HDAC9: variants seen among roughly 807,000 people sequenced by gnomAD.
HDAC9 encodes MEF-2 interacting transcription repressor (MITR) protein.
HDAC9 carries 41 observed loss-of-function variants against 139.4 expected under a neutral mutation model. That is an observed-to-expected ratio of 0.29 (90% CI 0.23 to 0.38). HDAC9 has a LOEUF of 0.38. HDAC9 is among the 10% of genes least tolerant of loss of function. HDAC9 has a pLI of 1.00. For synonymous variants in HDAC9, 517 were observed against 476.2 expected (o/e 1.09, Z -1.12); for missense variants, 1,147 against 1,297.0 (o/e 0.88, Z 1.78).
chr7:18,239,316 A>G (rs1794035319), intron 2 of HDAC9, among the ~76,000 whole-genome samples: 1 of 152,202 alleles, frequency 6.6e-6, no homozygotes. Context: ...AACTCTCACA[A>G]AGGATGAATA....
intron 12 of HDAC9, among the ~76,000 whole-genome samples, chr7:18,724,240 C>T (rs1785357248): frequency 6.6e-6 from 1 of 152,064 alleles, no homozygotes; most frequent in Non-Finnish European, 1.5e-5. Context: ...TTTATAATTA[C>T]ATTGTTGTAC....
chr7:18,955,381 G>T (rs1399980697), intron 24 of HDAC9, among the ~76,000 whole-genome samples: 1 of 151,994 alleles, frequency 6.6e-6, no homozygotes, highest in African/African-American at 2.4e-5. Flanking sequence ...AGTGATCTTT[G>T]ACAGCATTCT....
intron 17 of HDAC9, among the ~76,000 whole-genome samples, chr7:18,799,165 G>A (rs1793081241): frequency 6.6e-6 from 1 of 151,754 alleles, no homozygotes; most frequent in African/African-American, 2.4e-5. Context: ...TCCAATCATT[G>A]ACTGACCACT....
At chr7:18,724,366 T>G (rs1785368325) in intron 12 of HDAC9, among the ~76,000 whole-genome samples, 1 of 152,192 alleles carries the variant, frequency 6.6e-6, no homozygotes, top group African/African-American at 2.4e-5. Context: ...GTTACTATAC[T>G]GAATACTGTA....
chr7:18,494,745 C>T (rs1796653196), upstream of HDAC9, among the ~76,000 whole-genome samples: 1 of 152,070 alleles, frequency 6.6e-6, no homozygotes, highest in Non-Finnish European at 1.5e-5. Context: ...GTCCATATTT[C>T]GGGCAACCAA....
Position 18,835,457 on chromosome 7 carries a change from T to C in HDAC9, c.2467-10T>C. On this transcript the variant is annotated splice_polypyrimidine_tract_variant and intron_variant, in intron 19 of 25. Coordinates refer to ENST00000686413, the MANE Select transcript of HDAC9 (RefSeq NM_178425.4). The stretch of plus-strand genomic sequence containing the variant: ...GACTGTATTTGTCGTCTGTTTTCAT[T>C]TCCCTGTAGGATGTTCACCATGGAA... The C allele has an allele frequency of 6.2e-7, 1 of 1,607,054 alleles. No homozygotes were observed. Among genetic ancestry groups the C allele is most frequent in the Non-Finnish European group, 8.5e-7 (1 of 1,175,758 alleles).
chr7:18,978,719 A>G (rs1300879921), intron 25 of HDAC9, among the ~76,000 whole-genome samples: 2 of 152,204 alleles, frequency 1.3e-5, no homozygotes, highest in African/African-American at 4.8e-5. Context: ...AGGAATGTGT[A>G]CCTTTAAACA....
intron 22 of HDAC9, among the ~76,000 whole-genome samples, chr7:18,904,441 T>C (rs777940673): frequency 1.3e-5 from 2 of 152,142 alleles, no homozygotes; most frequent in Admixed American, 1.3e-4. Flanking sequence ...TATGGAAATA[T>C]GTCACAGGGA....
intron 19 of HDAC9, among the ~76,000 whole-genome samples, chr7:18,834,554 G>A (rs1325549112): frequency 6.8e-6 from 1 of 147,578 alleles, no homozygotes; most frequent in Non-Finnish European, 1.5e-5. Context: ...GAGTGGGAAA[G>A]AGGACTGGTG....
chr7:18,647,785 G>A lies in HDAC9; in HGVS notation c.1036G>A (p.Ala346Thr), dbSNP rs546754813. The change falls in exon 10 of 26, where the codon GCT becomes ACT. Residue 346 changes from alanine (A) to threonine (T), a missense_variant and splice_region_variant. Around this residue, in one of 7 missense-constraint regions of HDAC9, gnomAD observed 264 missense variants for 273.8 expected, o/e 0.96. Transcript: ENST00000686413. Reference sequence around the variant, plus strand: ...ACATCTTTGTTATTTCTCAACACAGGCTTCGAATTCACTCAAAGAAAAGCA... The same window carrying A: ...ACATCTTTGTTATTTCTCAACACAGACTTCGAATTCACTCAAAGAAAAGCA... ...GLPAVPSQLN[A>T]SNSLKEKQKC... The A allele has an allele frequency of 1.4e-5, 22 of 1,604,448 alleles. No homozygotes were observed. The South Asian group carries it at 2.5e-4, about 18-fold the overall frequency.
chr7:18,696,416 T>A (rs1257876151), intron 12 of HDAC9, among the ~76,000 whole-genome samples: 1 of 148,704 alleles, frequency 6.7e-6, no homozygotes, highest in East Asian at 1.9e-4. Context: ...AAAACTTGTA[T>A]GTTATACATT....
intron 1 of HDAC9, among the ~76,000 whole-genome samples, chr7:18,365,036 G>T (rs763583523): frequency 2.0e-5 from 3 of 151,994 alleles, no homozygotes; most frequent in Non-Finnish European, 4.4e-5. Context: ...TAAGAGATGG[G>T]GCAAAGAGTG....
chr7:18,665,075 A>G (rs1433174878), intron 11 of HDAC9, among the ~76,000 whole-genome samples: 2 of 152,200 alleles, frequency 1.3e-5, no homozygotes, highest in East Asian at 3.9e-4. Context: ...TGAGGTGTCC[A>G]TCTAAGTCTG....
chr7:18,614,924 C>A (rs981058655), intron 6 of HDAC9, among the ~76,000 whole-genome samples: 2 of 152,146 alleles, frequency 1.3e-5, no homozygotes, highest in African/African-American at 4.8e-5. Context: ...TTTAAACTTG[C>A]TGTTGATTTT....
intron 1 of HDAC9, among the ~76,000 whole-genome samples, chr7:18,097,965 A>G (rs895730195): frequency 2.0e-5 from 3 of 152,206 alleles, no homozygotes; most frequent in Non-Finnish European, 2.9e-5. Context: ...CTGATAGTCT[A>G]AACACATTTC....
In HDAC9 at chr7:18,230,276, G is replaced by A. The variant is rs147391179; in HGVS notation, c.25+67927G>A. On this transcript the variant is annotated intron_variant, in intron 2 of 12. Transcript: ENST00000417496. Reference sequence around the variant, plus strand: ...ATAGTGCCCAGTGAAAAATGAAAATGTGGGAATCCTGGTTAAAAACTGTTA... The same window carrying A: ...ATAGTGCCCAGTGAAAAATGAAAATATGGGAATCCTGGTTAAAAACTGTTA... 8.3e-3 allele frequency among the ~76,000 whole-genome samples: 1,261 copies of A among 152,298 alleles called. 8 individuals are homozygous for A. Among genetic ancestry groups the A allele is most frequent in the Non-Finnish European group, 0.013 (879 of 68,008 alleles).
chr7:18,638,602 C>T (rs538166576), intron 8 of HDAC9, among the ~76,000 whole-genome samples: 10 of 152,110 alleles, frequency 6.6e-5, no homozygotes, highest in Non-Finnish European at 8.8e-5. Context: ...TTTAAGGAAT[C>T]AGTGTTTGGA....
intron 13 of HDAC9, among the ~76,000 whole-genome samples, chr7:18,745,087 C>G (rs916650400): frequency 2.6e-5 from 4 of 152,030 alleles, no homozygotes. Context: ...AAGTAGAATT[C>G]CATATGAATT....
intron 1 of HDAC9, among the ~76,000 whole-genome samples, chr7:18,429,879 T>C (rs1015484928): frequency 6.6e-6 from 1 of 152,250 alleles, no homozygotes; most frequent in Non-Finnish European, 1.5e-5. Context: ...ATTGAAATAC[T>C]AAAGCAATTC....
Sources: allele counts gnomAD v4.1 joint callset (sites outside exome capture counted in the v4.1 genomes callset), GRCh38; gene constraint gnomAD v4.1.1; regional missense constraint gnomAD v4.1.1; transcripts MANE v1.5; gene names NCBI Gene and HGNC (gene_info 2026-07-23, HGNC 2026-07-21).